SOHLH2: variants seen among roughly 807,000 people sequenced by gnomAD.
SOHLH2 encodes spermatogenesis and oogenesis specific basic helix-loop-helix 2, also known as spermatogenesis- and oogenesis-specific basic helix-loop-helix-containing protein 2.
A neutral mutation model predicts 50.4 loss-of-function variants in SOHLH2; 22 were observed. The ratio of observed to expected loss-of-function variants is 0.44; its 90% CI spans 0.31 to 0.62. The LOEUF (loss-of-function observed/expected upper bound fraction) is 0.62, where lower values mean the gene tolerates loss of function less well. Ranked by LOEUF, SOHLH2 falls within the 20% of genes least tolerant of loss-of-function variation. The probability of loss-of-function intolerance (pLI) is 0.08; values close to 1 mark genes in which losing one functional copy is unlikely to be tolerated. For missense variants in SOHLH2, 412 were observed against 504.4 expected, an observed-to-expected ratio of 0.82 and a Z score of 1.76; for synonymous variants, 185 against 187.3, an observed-to-expected ratio of 0.99 and a Z score of 0.10.
rs148551018 is a variant in SOHLH2, at chr13:36,189,932, A to G, written c.641+14T>C. On this transcript the variant is annotated intron_variant, in intron 6 of 10. Transcript: ENST00000379881. ...AAAAGAATAATGCTTAAAAAGTGCT[A>G]TATTAAAATTCACCTTCTTAGTTTT... 2,994 of 1,580,104 alleles carry G rather than the reference A, an allele frequency of 1.9e-3. 41 individuals are homozygous for G. In the African/African-American group the frequency reaches 0.034, roughly 18 times the overall value.
At chr13:36,214,317 T>A (rs1003695200) in intron 1 of SOHLH2, among the ~76,000 whole-genome samples, 162 bp downstream of exon 1, 4 of 150,662 alleles carry the variant, frequency 2.7e-5, no homozygotes, top group Non-Finnish European at 5.9e-5. Context: ...CGGGGGAGAG[T>A]GGACTCGCGT....
Position 36,174,806 on chromosome 13 carries a change from C to A in SOHLH2, c.705G>T (p.Lys235Asn), listed in dbSNP as rs959755339. Reference protein sequence around the residue: ...RTLLPYVKGRKNDAASVLEAT... With the variant: ...RTLLPYVKGRNNDAASVLEAT... ...CCTCAAGAACTGAAGCCGCATCATT[C>A]TTTCTCCCTTTTACATACGGCAAGA... Residue 235 changes from lysine to asparagine, a missense_variant, in exon 7 of 11, where the codon AAG (lysine) becomes AAT (asparagine). Physicochemically the swap from Lys to Asn is moderately conservative, Grantham distance 94 (BLOSUM62 0). Coordinates refer to ENST00000379881, the MANE Select transcript of SOHLH2 (RefSeq NM_017826.3). 11 of 1,610,996 alleles carry A rather than the reference C, an allele frequency of 6.8e-6. No individual in the cohort carries two copies. The highest frequency in any genetic ancestry group is 9.3e-6 in the Non-Finnish European group (11 of 1,179,268).
rs369022173 is a variant in SOHLH2 at position 36,168,802 on chromosome 13, C to T, written c.*232G>A. The T allele has an allele frequency of 2.8e-5, 15 of 532,184 alleles. No homozygotes were observed. The highest frequency in any genetic ancestry group is 2.4e-4 in the East Asian group (7 of 29,366). 33.0% of individuals were successfully genotyped at this position (532,184 alleles called of 1,614,324 possible). A position where few individuals can be genotyped will look rare whatever the true frequency, so the allele number is the denominator to read the frequency against. ...TTTGTTCTTGTAGCTCTCTGGCTGG[C>T]GGGGATCCAAGTGTGTATGAAGATG... is the stretch of plus-strand genomic sequence containing the variant. On this transcript the variant is annotated 3_prime_UTR_variant, in exon 11 of 11. Coordinates refer to ENST00000379881, the MANE Select transcript of SOHLH2 (RefSeq NM_017826.3).
At chr13:36,179,414 T>A (rs562595257) in intron 6 of SOHLH2, among the ~76,000 whole-genome samples, 15 of 152,326 alleles carry the variant, frequency 9.8e-5, no homozygotes, top group African/African-American at 3.4e-4. Context: ...TTTCATTGGT[T>A]TGCTTTGTTT....
At position 36,193,839 on chromosome 13, in the gene SOHLH2, G is replaced by A; in HGVS notation, c.292C>T (p.Leu98=). Residue 98 remains leucine, a synonymous_variant, in exon 3 of 11, where the codon CTG becomes TTG. Transcript: ENST00000379881. The part of the protein sequence containing the change: ...RFGKKKNTHS[L]FVFIIPENFK... ...TTTTCAGGGATTATAAAAACAAACAGTGAATGTGTATTTTTCTTTTTGCCA... is the reference window on the plus strand; with the variant it reads ...TTTTCAGGGATTATAAAAACAAACAATGAATGTGTATTTTTCTTTTTGCCA... The A allele has an allele frequency of 3.1e-6, 5 of 1,602,538 alleles. No homozygotes were observed. The highest frequency in any genetic ancestry group is 3.3e-4 in the Middle Eastern group (2 of 6,012).
chr13:36,184,924 C>T (rs1887372927), intron 6 of SOHLH2, among the ~76,000 whole-genome samples: 1 of 152,082 alleles, frequency 6.6e-6, no homozygotes, highest in South Asian at 2.1e-4. Context: ...TCCCCTTTCC[C>T]CTCAACCCCC....
intron 6 of SOHLH2, among the ~76,000 whole-genome samples, chr13:36,188,518 T>C (rs931555217): frequency 1.3e-5 from 2 of 152,218 alleles, no homozygotes; most frequent in Non-Finnish European, 2.9e-5. Context: ...TCTCTAACCA[T>C]ACCAATGAAA....
chr13:36,169,371 T>G (rs1338228854), intron 10 of SOHLH2, among the ~76,000 whole-genome samples: 1 of 152,218 alleles, frequency 6.6e-6, no homozygotes, highest in Non-Finnish European at 1.5e-5. Context: ...CATTACGATA[T>G]CTGTAGACAC....
In SOHLH2 at chr13:36,201,990, C is replaced by A. The variant is rs746341711; in HGVS notation, c.152G>T (p.Ser51Ile). Residue 51 changes from serine (S) to isoleucine (I), a missense_variant, in exon 2 of 11, where the codon AGT becomes ATT. Coordinates refer to ENST00000379881, the MANE Select transcript of SOHLH2 (RefSeq NM_017826.3). ...AAGCGCTGCTGCCTCCTTCGTGTCA[C>A]TGATGGTGATGGTGACTTCTGCTAT... The part of the protein sequence containing the change: ...ANIAEVTITI[S>I]DTKEAAALLD... The A allele has an allele frequency of 2.5e-6, 4 of 1,614,214 alleles. No individual in the cohort carries two copies. The highest frequency in any genetic ancestry group is 3.4e-6 in the Non-Finnish European group (4 of 1,180,048).
At position 36,184,831 on chromosome 13, in the gene SOHLH2, C is replaced by T. The variant is rs78826925; in HGVS notation, c.641+5115G>A. 1.9e-3 allele frequency among the ~76,000 whole-genome samples: 293 copies of T among 152,234 alleles called. 5 individuals carry two copies. In the East Asian group the frequency reaches 0.053, roughly 28 times the overall value. On this transcript the variant is annotated intron_variant, in intron 6 of 10. Coordinates refer to ENST00000379881, the MANE Select transcript of SOHLH2 (RefSeq NM_017826.3). ...GTTTGTTACATATGCATACATGTGC[C>T]ATGGTGGTTTGCTCCACCCATCAAC...
At chr13:36,176,883 T>C (rs956413454) in intron 6 of SOHLH2, among the ~76,000 whole-genome samples, 2 of 152,130 alleles carry the variant, frequency 1.3e-5, no homozygotes, top group African/African-American at 4.8e-5. Context: ...AATGTATCAG[T>C]AGCTCAAATT....
chr13:36,209,101 T>C (rs1007826150), intron 1 of SOHLH2, among the ~76,000 whole-genome samples: 1 of 152,192 alleles, frequency 6.6e-6, no homozygotes, highest in Non-Finnish European at 1.5e-5. Flanking sequence ...TTCTAAGAGA[T>C]GCTGGATGTC....
chr13:36,199,575 C>A (rs574379027), intron 2 of SOHLH2, among the ~76,000 whole-genome samples: 63 of 152,332 alleles, frequency 4.1e-4, no homozygotes, highest in African/African-American at 1.5e-3. Context: ...CAAATGATTT[C>A]TTTTAAGGCA....
intron 10 of SOHLH2, among the ~76,000 whole-genome samples, chr13:36,170,282 C>T (rs1035624117): frequency 6.6e-6 from 1 of 152,166 alleles, no homozygotes; most frequent in Non-Finnish European, 1.5e-5. Context: ...TCCACCTGGT[C>T]ACCGTCAAAC....
intron 6 of SOHLH2, among the ~76,000 whole-genome samples, chr13:36,184,340 T>C (rs1887341890): frequency 1.3e-5 from 2 of 152,076 alleles, no homozygotes; most frequent in African/African-American, 4.8e-5. Flanking sequence ...GTTGATGAGA[T>C]GCAGCTGAAG....
At position 36,170,537 on chromosome 13, in the gene SOHLH2, G is replaced by T. The variant is rs753996304; in HGVS notation, c.1251C>A (p.Asn417Lys). The T allele has an allele frequency of 9.3e-6, 15 of 1,613,728 alleles. No homozygotes were observed. In the African/African-American group the frequency reaches 2.0e-4, roughly 22 times the overall value. The change falls in exon 10 of 11, where the codon AAC (asparagine) becomes AAA (lysine). Residue 417 changes from asparagine to lysine, a missense_variant. Physicochemically the swap from Asn to Lys is moderately conservative, Grantham distance 94. Coordinates refer to ENST00000379881, the MANE Select transcript of SOHLH2 (RefSeq NM_017826.3). ...GLGQTCTTHPNCLQQFWAY is the reference protein window; with the variant it reads ...GLGQTCTTHPKCLQQFWAY ...TGGACCCCTGGAAACTTACCAGACA[G>T]TTGGGATGTGTAGTGCACGTCTGGC...
At chr13:36,209,641 G>A (rs919772752) in intron 1 of SOHLH2, among the ~76,000 whole-genome samples, 1 of 152,094 alleles carries the variant, frequency 6.6e-6, no homozygotes, top group Admixed American at 6.5e-5. Flanking sequence ...ACCTGCTAAC[G>A]CCATCACCTT....
chr13:36,197,976 T>C (rs1428779272), intron 2 of SOHLH2, among the ~76,000 whole-genome samples: 1 of 152,224 alleles, frequency 6.6e-6, no homozygotes, highest in East Asian at 1.9e-4. Flanking sequence ...GTAGGTCATG[T>C]AAACTACCTA....
At chr13:36,205,963 T>C (rs566879627) in intron 1 of SOHLH2, among the ~76,000 whole-genome samples, 109 of 152,022 alleles carry the variant, frequency 7.2e-4, no homozygotes, top group African/African-American at 2.5e-3. Flanking sequence ...TCATATGGAG[T>C]TTTTATATTG....
Sources: allele counts gnomAD v4.1 joint callset (sites outside exome capture counted in the v4.1 genomes callset), GRCh38; gene constraint gnomAD v4.1.1; transcripts MANE v1.5; gene names NCBI Gene and HGNC (gene_info 2026-07-23, HGNC 2026-07-21).